YIPF7: variants seen among roughly 807,000 people sequenced by gnomAD.
The protein encoded by YIPF7 is Yip1 domain family member 7, also known as protein YIPF7.
In YIPF7, 35 loss-of-function variants were observed where a neutral mutation model predicts 27.2. The observed-to-expected ratio is 1.29, with a 90% CI of 0.98 to 1.70. YIPF7 has a LOEUF of 1.70. Among genes scored for constraint, YIPF7 ranks in the 40% most tolerant of loss-of-function variants. YIPF7 has a pLI of 0.00. For synonymous variants in YIPF7, 137 were observed against 110.4 expected (o/e 1.24, Z -1.51); for missense variants, 358 against 303.7 (o/e 1.18, Z -1.33).
chr4:44,628,776 A>G (rs1391539441), intron 4 of YIPF7, among the ~76,000 whole-genome samples: 3 of 152,162 alleles, frequency 2.0e-5, no homozygotes, highest in African/African-American at 4.8e-5. Context: ...TAATATCATT[A>G]CTTCCAGATA....
intron 2 of YIPF7, among the ~76,000 whole-genome samples, chr4:44,644,185 G>C (rs1713441691): frequency 6.6e-6 from 1 of 152,202 alleles, no homozygotes; most frequent in Non-Finnish European, 1.5e-5. Flanking sequence ...TCTTGCATCA[G>C]TGTGACCTGG....
At chr4:44,643,656 C>T (rs894300444) in intron 2 of YIPF7, among the ~76,000 whole-genome samples, 17 of 152,160 alleles carry the variant, frequency 1.1e-4, no homozygotes, top group Non-Finnish European at 1.5e-5. Context: ...TTTCATGGGC[C>T]AGGCCCAGGA....
At chr4:44,655,316 C>T (rs973959093), upstream of YIPF7, among the ~76,000 whole-genome samples, 18 of 152,072 alleles carry the variant, frequency 1.2e-4, no homozygotes, top group Admixed American at 1.1e-3. Context: ...AAAATGGAGA[C>T]TCAGAGAAGC....
Position 44,624,062 on chromosome 4 carries a change from T to C in YIPF7, c.608+539A>G, listed in dbSNP as rs569195798. On this transcript the variant is annotated intron_variant, in intron 5 of 5. Coordinates refer to ENST00000415895, the MANE Select transcript of YIPF7 (RefSeq NM_182592.3). Reference sequence around the variant, plus strand: ...TGCCAGTTTTTTTTTCTCTCTCTCTTTTTTTTTTTTTTTTTATTTTGAGGT... The same window carrying C: ...TGCCAGTTTTTTTTTCTCTCTCTCTCTTTTTTTTTTTTTTTATTTTGAGGT... Among the ~76,000 whole-genome samples, 266 of 144,654 alleles carry C rather than the reference T, an allele frequency of 1.8e-3. 1 individual carries two copies. The highest frequency in any genetic ancestry group is 2.4e-3 in the Non-Finnish European group (157 of 65,504). 94.9% of individuals were successfully genotyped at this position (144,654 alleles called of 152,430 possible). A position where few individuals can be genotyped will look rare whatever the true frequency, so the allele number is the denominator to read the frequency against.
intron 3 of YIPF7, among the ~76,000 whole-genome samples, chr4:44,631,357 G>A (rs1220605815): frequency 6.6e-6 from 1 of 152,048 alleles, no homozygotes; most frequent in Non-Finnish European, 1.5e-5. Context: ...ACCCTGTTTG[G>A]TCAGATACAG....
intron 3 of YIPF7, among the ~76,000 whole-genome samples, chr4:44,635,183 C>T (rs1374732885): frequency 6.6e-6 from 1 of 152,080 alleles, no homozygotes; most frequent in Non-Finnish European, 1.5e-5. Flanking sequence ...GCTTGGTTCT[C>T]CAATTTAAAT....
At chr4:44,632,244 A>C (rs1712929072) in intron 3 of YIPF7, among the ~76,000 whole-genome samples, 2 of 152,218 alleles carry the variant, frequency 1.3e-5, no homozygotes, top group Admixed American at 1.3e-4. Context: ...ACAAAATAAA[A>C]GAAGATAAAA....
chr4:44,638,185 G>GT (rs1560326601), intron 2 of YIPF7, among the ~76,000 whole-genome samples: 1 of 146,844 alleles, frequency 6.8e-6, no homozygotes, highest in African/African-American at 2.5e-5. Context: ...TTGTTTCAGG[G>GT]TTTTTTGGCT....
intron 5 of YIPF7, among the ~76,000 whole-genome samples, chr4:44,623,269 G>A (rs1228120166): frequency 1.3e-5 from 2 of 152,188 alleles, no homozygotes; most frequent in African/African-American, 4.8e-5. Flanking sequence ...AAGGGTGGTC[G>A]AGAGTGAATT....
At chr4:44,628,951 G>T (rs879805085) in intron 4 of YIPF7, among the ~76,000 whole-genome samples, 18 of 152,110 alleles carry the variant, frequency 1.2e-4, no homozygotes, top group Non-Finnish European at 2.2e-4. Flanking sequence ...AAAACAAGGA[G>T]ATCTGTCTCG....
chr4:44,645,126 G>T (rs563420687), intron 2 of YIPF7, among the ~76,000 whole-genome samples: 2 of 152,190 alleles, frequency 1.3e-5, no homozygotes, highest in South Asian at 4.1e-4. Context: ...CCAGTCTCGA[G>T]AATTTCTTCA....
At chr4:44,637,212 G>T (rs1713157571) in intron 2 of YIPF7, among the ~76,000 whole-genome samples, 1 of 152,132 alleles carries the variant, frequency 6.6e-6, no homozygotes, top group African/African-American at 2.4e-5. Context: ...AAACATATGA[G>T]TGCAGGTATC....
At chr4:44,643,856 C>T (rs369429170) in intron 2 of YIPF7, among the ~76,000 whole-genome samples, 5 of 152,192 alleles carry the variant, frequency 3.3e-5, no homozygotes, top group South Asian at 2.1e-4. Context: ...TGAAGCTCCA[C>T]CTAGATTCCA....
Position 44,622,295 on chromosome 4 carries a change from G to A in YIPF7, c.*119C>T, listed in dbSNP as rs948247929. On this transcript the variant is annotated 3_prime_UTR_variant, in exon 6 of 6. Transcript: ENST00000415895. ...CCCTTAAGTGCTGCTTTGTCTCTCT[G>A]CTTATTACTCTCTCAAAAGCAATAA... 7 of 1,260,348 alleles carry A rather than the reference G, an allele frequency of 5.6e-6. No homozygotes were observed. In the African/African-American group the frequency reaches 1.1e-4, roughly 19 times the overall value. The allele number at this position is 1,260,348 out of a possible 1,614,324, so 78.1% of individuals were successfully genotyped here.
At position 44,636,084 on chromosome 4, in the gene YIPF7, G is replaced by C. The variant is rs1457985125; in HGVS notation, c.118C>G (p.Gln40Glu). 6.3e-7 allele frequency: 1 copy of C among 1,598,402 alleles called. No homozygotes were observed. The highest frequency in any genetic ancestry group is 1.7e-5 in the Admixed American group (1 of 57,322). Residue 40 changes from glutamine to glutamate, a missense_variant and splice_region_variant, in exon 3 of 6, where the codon CAA becomes GAA. Gln to Glu is a conservative substitution (Grantham distance 29). Transcript: ENST00000415895. Reference sequence around the variant, plus strand: ...GGCTGAGGCTGCTCACCAGCTTGTTGTCTAGAAAAAGAAAAATACAAACAT... The same window carrying C: ...GGCTGAGGCTGCTCACCAGCTTGTTCTCTAGAAAAAGAAAAATACAAACAT... ...AYGNLYGSRK[Q>E]QAGEQPQPAS...
chr4:44,658,116 CT>C (rs1320979041), intron 2 of YIPF7, among the ~76,000 whole-genome samples: 1 of 152,120 alleles, frequency 6.6e-6, no homozygotes, highest in Non-Finnish European at 1.5e-5. Context: ...TGCCCTCCCC[CT>C]GTCCCCCTAC....
At chr4:44,652,387 A>G (rs1254799458), upstream of YIPF7, among the ~76,000 whole-genome samples, 2 of 152,216 alleles carry the variant, frequency 1.3e-5, no homozygotes, top group African/African-American at 4.8e-5. Context: ...TTGGAAGTCA[A>G]GTCCCCTGTG....
intron 4 of YIPF7, among the ~76,000 whole-genome samples, chr4:44,626,347 T>C (rs887397965): frequency 4.6e-5 from 7 of 152,218 alleles, no homozygotes; most frequent in Non-Finnish European, 8.8e-5. Context: ...TTCACATCAT[T>C]GTCATGCATT....
At chr4:44,656,933 A>G (rs926392423) in intron 2 of YIPF7, among the ~76,000 whole-genome samples, 1 of 152,204 alleles carries the variant, frequency 6.6e-6, no homozygotes, top group Non-Finnish European at 1.5e-5. Flanking sequence ...GGTACTGCTC[A>G]GTAAGGACGT....
Sources: gnomAD v4.1 joint callset for allele counts (sites outside exome capture counted in the v4.1 genomes callset) on GRCh38, gnomAD v4.1.1 for gene constraint, MANE v1.5 for transcripts, NCBI Gene and HGNC (gene_info 2026-07-23, HGNC 2026-07-21) for gene names.